Variants in SIK3 observed in about 807,000 individuals in gnomAD.
SIK3 encodes serine/threonine-protein kinase SIK3.
A neutral mutation model predicts 144.2 loss-of-function variants in SIK3; 28 were observed. The ratio of observed to expected loss-of-function variants is 0.19; its 90% CI spans 0.14 to 0.27. SIK3 has a LOEUF of 0.27. Ranked by LOEUF, SIK3 falls within the 10% of genes least tolerant of loss-of-function variation. The probability of loss-of-function intolerance (pLI) is 1.00; values close to 1 mark genes in which losing one functional copy is unlikely to be tolerated. For synonymous variants in SIK3, 686 were observed against 676.3 expected (o/e 1.01, Z -0.22); for missense variants, 1,319 against 1,776.0 (o/e 0.74, Z 4.62).
At chr11:116,869,433 TGTAGA>T (rs1414828927) in intron 14 of SIK3, 4 of 152,210 alleles carry the variant, frequency 2.6e-5, no homozygotes, top group Admixed American at 2.0e-4. Context: ...GTTAACAGAC[TGTAGA>T]GTAATCAGTG....
In SIK3 at chr11:116,844,592, A is replaced by C. The variant is rs1387031504; in HGVS notation, c.*1051T>G. Reference sequence around the variant, plus strand: ...CTGAAAGAGGAGAGCATATATATATATATTTTATATATATATTATATATAT... The same window carrying C: ...CTGAAAGAGGAGAGCATATATATATCTATTTTATATATATATTATATATAT... On this transcript the variant is annotated 3_prime_UTR_variant, in exon 25 of 25. Transcript: ENST00000445177. 2 of 97,728 alleles carry C rather than the reference A, an allele frequency of 2.0e-5. No individual in the cohort carries two copies. The highest frequency in any genetic ancestry group is 2.7e-4 in the Admixed American group (2 of 7,534). 6.1% of individuals were successfully genotyped at this position (97,728 alleles called of 1,614,324 possible).
chr11:116,931,693 C>G (rs1947610901), intron 3 of SIK3, among the ~76,000 whole-genome samples: 1 of 152,204 alleles, frequency 6.6e-6, no homozygotes, highest in African/African-American at 2.4e-5. Flanking sequence ...AAACTAACCA[C>G]AGCTAGTAGT....
At chr11:116,913,581 G>T (rs1326447057) in intron 4 of SIK3, among the ~76,000 whole-genome samples, 2 of 147,230 alleles carry the variant, frequency 1.4e-5, no homozygotes, top group Non-Finnish European at 3.0e-5. Flanking sequence ...GGATTATAAT[G>T]AGACACTTTC....
At chr11:117,067,260 A>G (rs1222036032) in intron 1 of SIK3, among the ~76,000 whole-genome samples, 2 of 152,222 alleles carry the variant, frequency 1.3e-5, no homozygotes, top group Non-Finnish European at 1.5e-5. Flanking sequence ...TAAAAGCAAG[A>G]AAACCAGACA....
intron 1 of SIK3, among the ~76,000 whole-genome samples, chr11:116,978,209 G>T (rs552561084): frequency 6.9e-6 from 1 of 145,954 alleles, no homozygotes; most frequent in Non-Finnish European, 1.5e-5. Context: ...CAGAGACTCC[G>T]TCTCAAAAAA....
At chr11:117,041,044 T>C (rs1019522672) in intron 1 of SIK3, among the ~76,000 whole-genome samples, 1 of 151,480 alleles carries the variant, frequency 6.6e-6, no homozygotes, top group Non-Finnish European at 1.5e-5. Flanking sequence ...CCTCATGTTA[T>C]ACATTGGATC....
At chr11:117,056,677 C>T (rs761373409) in intron 1 of SIK3, among the ~76,000 whole-genome samples, 5 of 151,970 alleles carry the variant, frequency 3.3e-5, no homozygotes, top group South Asian at 2.1e-4. Flanking sequence ...CACCTGCTAA[C>T]GAAAGTATAA....
intron 3 of SIK3, among the ~76,000 whole-genome samples, chr11:116,938,977 T>C (rs1248293385): frequency 6.6e-6 from 1 of 152,192 alleles, no homozygotes; most frequent in Non-Finnish European, 1.5e-5. Flanking sequence ...AGAGAACCAA[T>C]TCATTATTCT....
At chr11:117,012,414 T>C (rs765809102) in intron 1 of SIK3, among the ~76,000 whole-genome samples, 4 of 152,220 alleles carry the variant, frequency 2.6e-5, no homozygotes, top group African/African-American at 4.8e-5. Flanking sequence ...TACACCATCA[T>C]ACTTGTAACT....
intron 1 of SIK3, among the ~76,000 whole-genome samples, chr11:116,970,628 G>A (rs1343402031): frequency 6.6e-6 from 1 of 152,040 alleles, no homozygotes; most frequent in African/African-American, 2.4e-5. Context: ...AGGATAACAG[G>A]CATGAGCCAC....
At chr11:117,027,390 A>G (rs557298475) in intron 1 of SIK3, among the ~76,000 whole-genome samples, 1 of 152,252 alleles carries the variant, frequency 6.6e-6, no homozygotes, top group South Asian at 2.1e-4. Flanking sequence ...ATCCTAGACC[A>G]TAAGCATCAC....
chr11:116,941,347 T>A (rs573797208), intron 3 of SIK3, among the ~76,000 whole-genome samples: 1 of 149,830 alleles, frequency 6.7e-6, no homozygotes, highest in East Asian at 2.0e-4. Flanking sequence ...AATAAACTAG[T>A]GGGAAAATGG....
intron 1 of SIK3, among the ~76,000 whole-genome samples, chr11:116,965,769 ATATATAT>A (rs1949516620): frequency 1.3e-5 from 1 of 75,182 alleles, no homozygotes; most frequent in Non-Finnish European, 2.5e-5. Flanking sequence ...ATATATATAT[ATATATAT>A]ATATATAAAT....
chr11:117,070,518 C>T (rs537844422), intron 1 of SIK3, among the ~76,000 whole-genome samples: 4 of 151,974 alleles, frequency 2.6e-5, no homozygotes, highest in Non-Finnish European at 4.4e-5. Flanking sequence ...ACGATCTCGG[C>T]TCACTGCAAC....
chr11:116,886,180 A>T (rs1944808204), intron 6 of SIK3, among the ~76,000 whole-genome samples: 1 of 152,210 alleles, frequency 6.6e-6, no homozygotes, highest in African/African-American at 2.4e-5. Context: ...ACTCTGAAGT[A>T]GTTCTTAACC....
intron 4 of SIK3, among the ~76,000 whole-genome samples, chr11:116,915,574 G>T (rs1946588270): frequency 6.6e-6 from 1 of 152,008 alleles, no homozygotes; most frequent in South Asian, 2.1e-4. Context: ...TAGATAGATA[G>T]ATATAGATAC....
intron 1 of SIK3, among the ~76,000 whole-genome samples, chr11:116,968,800 T>C (rs574040182): frequency 2.0e-5 from 3 of 152,320 alleles, no homozygotes; most frequent in Admixed American, 1.3e-4. Context: ...CATTAAAGTA[T>C]TGAGTATAGT....
At chr11:116,915,869 A>G (rs915176332) in intron 4 of SIK3, among the ~76,000 whole-genome samples, 1 of 152,208 alleles carries the variant, frequency 6.6e-6, no homozygotes, top group Non-Finnish European at 1.5e-5. Flanking sequence ...AATAAAATAC[A>G]ATGAAAAACT....
chr11:117,064,427 C>T (rs1018600791), intron 1 of SIK3, among the ~76,000 whole-genome samples: 4 of 152,200 alleles, frequency 2.6e-5, no homozygotes, highest in African/African-American at 9.7e-5. Context: ...TCAAAGCCAT[C>T]TTGGGCAATA....
Sources: allele counts gnomAD v4.1 joint callset (sites outside exome capture counted in the v4.1 genomes callset), GRCh38; gene constraint gnomAD v4.1.1; transcripts MANE v1.5; gene names NCBI Gene and HGNC (gene_info 2026-07-23, HGNC 2026-07-21).